RABGAP1L: variants seen among roughly 807,000 people sequenced by gnomAD.
RABGAP1L encodes RAB GTPase activating protein 1 like, also known as rab GTPase-activating protein 1-like.
Under a neutral mutation model 137.7 loss-of-function variants are expected in RABGAP1L, and 63 were observed. The observed-to-expected ratio is 0.46, with a 90% CI of 0.37 to 0.56. The LOEUF is 0.56. Ranked by LOEUF, RABGAP1L falls within the 20% of genes least tolerant of loss-of-function variation. The pLI is 0.00. For missense variants in RABGAP1L, 1,095 were observed against 1,244.0 expected (o/e 0.88, Z 1.80); for synonymous variants, 431 against 433.7 (o/e 0.99, Z 0.08).
intron 19 of RABGAP1L, among the ~76,000 whole-genome samples, chr1:174,814,555 T>C (rs1250736164): frequency 1.3e-5 from 2 of 152,142 alleles, no homozygotes; most frequent in African/African-American, 4.8e-5. Flanking sequence ...AGGTCTAAAA[T>C]TGTTTTTAAA....
At chr1:174,409,339 T>TA (rs1225740466) in intron 13 of RABGAP1L, among the ~76,000 whole-genome samples, 1 of 152,208 alleles carries the variant, frequency 6.6e-6, no homozygotes, top group Non-Finnish European at 1.5e-5. Flanking sequence ...ATAATACTCT[T>TA]ATAATTTCTT....
chr1:174,798,240 CAAA>C (rs1161748259), intron 18 of RABGAP1L, among the ~76,000 whole-genome samples: 133 of 82,960 alleles, frequency 1.6e-3, no homozygotes, highest in African/African-American at 3.7e-3. Context: ...ACTAAAAATA[CAAA>C]AAAAAAAAAA....
intron 3 of RABGAP1L, among the ~76,000 whole-genome samples, chr1:174,230,148 C>CA (rs1164984911): frequency 6.7e-6 from 1 of 148,256 alleles, no homozygotes; most frequent in African/African-American, 2.5e-5. Context: ...ATCGCAAGGA[C>CA]AAAAAACCAA....
chr1:174,270,606 T>TA (rs969019406), intron 7 of RABGAP1L, among the ~76,000 whole-genome samples: 3 of 151,642 alleles, frequency 2.0e-5, no homozygotes, highest in Non-Finnish European at 2.9e-5. Context: ...AAATAAAAAT[T>TA]AAAAAAAATC....
chr1:174,526,677 A>G (rs1421056494), intron 13 of RABGAP1L, among the ~76,000 whole-genome samples: 2 of 152,106 alleles, frequency 1.3e-5, no homozygotes, highest in East Asian at 3.8e-4. Flanking sequence ...TATCAATTAT[A>G]AAGTCTCCTT....
intron 13 of RABGAP1L, among the ~76,000 whole-genome samples, chr1:174,510,275 C>G (rs55923143): frequency 6.6e-6 from 1 of 152,114 alleles, no homozygotes; most frequent in Non-Finnish European, 1.5e-5. Flanking sequence ...TTTCATAATA[C>G]GTAACCTTCA....
At chr1:174,540,380 C>T (rs1177561823) in intron 13 of RABGAP1L, among the ~76,000 whole-genome samples, 1 of 152,162 alleles carries the variant, frequency 6.6e-6, no homozygotes, top group African/African-American at 2.4e-5. Flanking sequence ...TGCCAATGTC[C>T]TAAATGGTAT....
At chr1:174,742,608 C>G (rs1683538336) in intron 17 of RABGAP1L, among the ~76,000 whole-genome samples, 1 of 152,090 alleles carries the variant, frequency 6.6e-6, no homozygotes, top group Admixed American at 6.5e-5. Context: ...CTGGCAGAAG[C>G]CTGGAGGAAG....
intron 13 of RABGAP1L, among the ~76,000 whole-genome samples, chr1:174,558,656 TAAAC>T (rs925766617): frequency 3.3e-5 from 5 of 152,196 alleles, no homozygotes; most frequent in Non-Finnish European, 7.3e-5. Context: ...CTGTGTCTCT[TAAAC>T]AAATGCTGCT....
chr1:174,862,922 T>A (rs1463221523), intron 19 of RABGAP1L, among the ~76,000 whole-genome samples: 2 of 151,668 alleles, frequency 1.3e-5, no homozygotes, highest in Non-Finnish European at 2.9e-5. Context: ...TTAAATGGAG[T>A]CTTGCTGTGT....
chr1:174,745,468 C>G (rs538946032), intron 17 of RABGAP1L, among the ~76,000 whole-genome samples: 2 of 152,296 alleles, frequency 1.3e-5, no homozygotes, highest in South Asian at 4.1e-4. Flanking sequence ...TAATCCATCA[C>G]AGATATCTAA....
intron 1 of RABGAP1L, among the ~76,000 whole-genome samples, chr1:174,173,003 T>G (rs1558001552): frequency 6.6e-6 from 1 of 152,208 alleles, no homozygotes; most frequent in Non-Finnish European, 1.5e-5. Context: ...ATATTAGTGT[T>G]TACTTCTTTA....
chr1:174,275,509 G>C (rs1674920809), intron 8 of RABGAP1L, among the ~76,000 whole-genome samples: 1 of 152,124 alleles, frequency 6.6e-6, no homozygotes, highest in East Asian at 1.9e-4. Context: ...GTGTATATGA[G>C]ATTTGGACAA....
At chr1:174,750,970 G>A (rs1042225731) in intron 17 of RABGAP1L, among the ~76,000 whole-genome samples, 17 of 152,256 alleles carry the variant, frequency 1.1e-4, no homozygotes, top group African/African-American at 4.1e-4. Flanking sequence ...TTGCTTAATT[G>A]TAACCCACAT....
At chr1:174,382,569 C>T (rs1399758483) in intron 12 of RABGAP1L, among the ~76,000 whole-genome samples, 1 of 62,576 alleles carries the variant, frequency 1.6e-5, no homozygotes, top group African/African-American at 5.9e-5. Context: ...CCCTTTCTTC[C>T]AGTTGATCGC....
At position 174,439,830 on chromosome 1, in the gene RABGAP1L, G is replaced by T. The variant is rs1200437919; in HGVS notation, c.1710+45685G>T. Among the ~76,000 whole-genome samples, 3 of 152,344 alleles carry T rather than the reference G, an allele frequency of 2.0e-5. No homozygotes were observed. In the South Asian group the frequency reaches 6.2e-4, roughly 32 times the overall value. Reference sequence around the variant, plus strand: ...CACCTATTCTGTGTCTAGCACCGCAGTGTAGGCACTTGAAATGCAATGGCA... The same window carrying T: ...CACCTATTCTGTGTCTAGCACCGCATTGTAGGCACTTGAAATGCAATGGCA... On this transcript the variant is annotated intron_variant, in intron 13 of 25. Transcript: ENST00000681986.
intron 9 of RABGAP1L, 69 bp downstream of exon 9, chr1:174,276,004 T>C: frequency 7.6e-7 from 1 of 1,317,270 alleles, no homozygotes; most frequent in Non-Finnish European, 1.0e-6. Context: ...TTGCTTGTCA[T>C]GTTTTAAAAA....
intron 11 of RABGAP1L, among the ~76,000 whole-genome samples, chr1:174,306,968 T>C (rs1218810709): frequency 1.3e-5 from 2 of 152,212 alleles, no homozygotes; most frequent in East Asian, 3.8e-4. Flanking sequence ...AACTGTTTTT[T>C]TCTATGATTG....
At chr1:174,754,576 A>T (rs1290015398) in intron 18 of RABGAP1L, among the ~76,000 whole-genome samples, 1 of 151,948 alleles carries the variant, frequency 6.6e-6, no homozygotes, top group Admixed American at 6.6e-5. Context: ...GTGATAGCTT[A>T]CTGCAGCCTC....
Sources: gnomAD v4.1 joint callset for allele counts (sites outside exome capture counted in the v4.1 genomes callset) on GRCh38, gnomAD v4.1.1 for gene constraint, MANE v1.5 for transcripts, NCBI Gene and HGNC (gene_info 2026-07-23, HGNC 2026-07-21) for gene names.